Variants in LRRC4C observed in about 807,000 individuals in gnomAD.
LRRC4C encodes leucine rich repeat containing 4C.
A neutral mutation model predicts 33.6 loss-of-function variants in LRRC4C; 5 were observed. The ratio of observed to expected loss-of-function variants is 0.15; its 90% CI spans 0.08 to 0.31. LRRC4C has a LOEUF of 0.31. Ranked by LOEUF, LRRC4C falls within the 10% of genes least tolerant of loss-of-function variation. LRRC4C has a pLI of 1.00. For missense variants in LRRC4C, 560 were observed against 796.7 expected (o/e 0.70, Z 3.58); for synonymous variants, 329 against 302.0 (o/e 1.09, Z -0.93).
intron 2 of LRRC4C, among the ~76,000 whole-genome samples, chr11:40,728,918 G>C (rs1406125594): frequency 7.4e-6 from 1 of 134,592 alleles, no homozygotes; most frequent in Non-Finnish European, 1.5e-5. Context: ...AAACATGGGA[G>C]CTAATTCTTG....
chr11:41,166,402 C>T lies in LRRC4C; in HGVS notation c.-495-232679G>A, dbSNP rs12275276. Reference sequence around the variant, plus strand: ...TTACTGCTTACTCTAACATACATTCCGTGACCACAGAACGACATATAGTCA... The same window carrying T: ...TTACTGCTTACTCTAACATACATTCTGTGACCACAGAACGACATATAGTCA... On this transcript the variant is annotated intron_variant, in intron 1 of 6. Coordinates refer to ENST00000528697, the MANE Select transcript of LRRC4C (RefSeq NM_001258419.2). Among the ~76,000 whole-genome samples the T allele has an allele frequency of 5.7e-3, 868 of 152,196 alleles. 7 individuals carry two copies. Among genetic ancestry groups the T allele is most frequent in the African/African-American group, 0.019 (786 of 41,512 alleles).
chr11:40,599,813 A>G (rs1959789553), intron 3 of LRRC4C, among the ~76,000 whole-genome samples: 1 of 152,214 alleles, frequency 6.6e-6, no homozygotes, highest in Non-Finnish European at 1.5e-5. Context: ...GTAGATAGAG[A>G]TGTAGGACAG....
At chr11:41,423,253 A>G (rs1176860373) in intron 1 of LRRC4C, among the ~76,000 whole-genome samples, 1 of 152,002 alleles carries the variant, frequency 6.6e-6, no homozygotes, top group Admixed American at 6.6e-5. Context: ...CTGGCATATG[A>G]GAAATGGAGT....
chr11:40,281,297 T>C (rs545473982), intron 4 of LRRC4C, among the ~76,000 whole-genome samples: 1 of 152,272 alleles, frequency 6.6e-6, no homozygotes, highest in Non-Finnish European at 1.5e-5. Context: ...TCCCTCCCCA[T>C]AATGTGTTTG....
At chr11:41,048,396 C>A (rs2138083410) in intron 1 of LRRC4C, among the ~76,000 whole-genome samples, 1 of 151,384 alleles carries the variant, frequency 6.6e-6, no homozygotes, top group Non-Finnish European at 1.5e-5. Context: ...TCCTGAGTAG[C>A]TGGGATTGCA....
chr11:40,589,545 G>T (rs576878281), intron 3 of LRRC4C, among the ~76,000 whole-genome samples: 1 of 149,510 alleles, frequency 6.7e-6, no homozygotes. Context: ...TATTTTGCTC[G>T]TTAGTTGATG....
intron 3 of LRRC4C, among the ~76,000 whole-genome samples, chr11:40,548,591 A>T (rs1957016224): frequency 6.6e-6 from 1 of 152,072 alleles, no homozygotes; most frequent in African/African-American, 2.4e-5. Flanking sequence ...CCAGTTTGTG[A>T]TGCTGTGTTA....
chr11:40,433,213 G>C (rs1294716074), intron 3 of LRRC4C, among the ~76,000 whole-genome samples: 1 of 152,124 alleles, frequency 6.6e-6, no homozygotes, highest in East Asian at 1.9e-4. Context: ...GTATTTAAAA[G>C]CTGGATTGTG....
intron 1 of LRRC4C, among the ~76,000 whole-genome samples, chr11:41,128,946 A>G (rs1272697056): frequency 1.3e-5 from 2 of 152,016 alleles, no homozygotes; most frequent in Non-Finnish European, 2.9e-5. Context: ...GAGTGTTTAT[A>G]TCACTACAAT....
chr11:40,601,528 GA>G (rs573575432), intron 3 of LRRC4C, among the ~76,000 whole-genome samples: 4 of 152,008 alleles, frequency 2.6e-5, no homozygotes, highest in African/African-American at 7.2e-5. Context: ...TGTATTAAAG[GA>G]AAAAAAGTGG....
At chr11:41,333,935 C>G (rs1217069000) in intron 1 of LRRC4C, among the ~76,000 whole-genome samples, 1 of 152,088 alleles carries the variant, frequency 6.6e-6, no homozygotes, top group East Asian at 1.9e-4. Context: ...TCCCCCAACC[C>G]CTACTTCTGT....
chr11:40,974,424 T>C (rs1408248298), intron 1 of LRRC4C, among the ~76,000 whole-genome samples: 3 of 152,208 alleles, frequency 2.0e-5, no homozygotes, highest in African/African-American at 7.2e-5. Context: ...AGCTTCCTCA[T>C]ATTACCATTA....
At chr11:40,849,268 G>A (rs995268763) in intron 2 of LRRC4C, among the ~76,000 whole-genome samples, 1 of 152,188 alleles carries the variant, frequency 6.6e-6, no homozygotes, top group Non-Finnish European at 1.5e-5. Context: ...TCTTTTTGCA[G>A]TGGCTTGTGC....
At chr11:40,768,252 C>T (rs1949574736) in intron 2 of LRRC4C, among the ~76,000 whole-genome samples, 2 of 151,916 alleles carry the variant, frequency 1.3e-5, no homozygotes. Flanking sequence ...ATACAACCTA[C>T]CAAGAGAACC....
At chr11:40,657,935 C>G (rs1269799429) in intron 2 of LRRC4C, among the ~76,000 whole-genome samples, 1 of 152,086 alleles carries the variant, frequency 6.6e-6, no homozygotes, top group Non-Finnish European at 1.5e-5. Context: ...GGATTAAGGG[C>G]AAAGAACAAG....
chr11:41,260,383 C>T (rs563949908), intron 1 of LRRC4C, among the ~76,000 whole-genome samples: 107 of 152,070 alleles, frequency 7.0e-4, no homozygotes, highest in African/African-American at 2.5e-3. Flanking sequence ...TTCAAAATGT[C>T]TTCTTAGAAA....
chr11:40,679,399 G>T (rs2136319102), intron 2 of LRRC4C, among the ~76,000 whole-genome samples: 1 of 152,260 alleles, frequency 6.6e-6, no homozygotes, highest in South Asian at 2.1e-4. Flanking sequence ...ACGAGGAGCG[G>T]AATGTTAATC....
chr11:41,219,763 T>G (rs1947222761), intron 1 of LRRC4C, among the ~76,000 whole-genome samples: 1 of 152,206 alleles, frequency 6.6e-6, no homozygotes, highest in Non-Finnish European at 1.5e-5. Context: ...CAGATGAAGT[T>G]TCAGAGATGC....
intron 1 of LRRC4C, among the ~76,000 whole-genome samples, chr11:41,152,976 G>A (rs541521158): frequency 2.6e-5 from 4 of 152,204 alleles, no homozygotes; most frequent in East Asian, 1.9e-4. Flanking sequence ...TGAAGAATAA[G>A]GTTTGCCATG....
Sources: gnomAD v4.1 joint callset for allele counts (sites outside exome capture counted in the v4.1 genomes callset) on GRCh38, gnomAD v4.1.1 for gene constraint, MANE v1.5 for transcripts, NCBI Gene and HGNC (gene_info 2026-07-23, HGNC 2026-07-21) for gene names.